Variants in HPGD observed in about 807,000 individuals in gnomAD.
HPGD encodes the protein 15-hydroxyprostaglandin dehydrogenase, also known as 15-hydroxyprostaglandin dehydrogenase [NAD(+)].
Under a neutral mutation model 30.0 loss-of-function variants are expected in HPGD, and 29 were observed. The observed-to-expected ratio is 0.97, with a 90% confidence interval of 0.72 to 1.32. The LOEUF (loss-of-function observed/expected upper bound fraction) is 1.32, where lower values mean the gene tolerates loss of function less well. HPGD is among the 40% of genes most tolerant of loss of function. The probability of loss-of-function intolerance (pLI) is 0.00; values close to 1 mark genes in which losing one functional copy is unlikely to be tolerated. For missense variants in HPGD, 340 were observed against 322.1 expected (o/e 1.06, Z -0.43); for synonymous variants, 99 against 112.4 (o/e 0.88, Z 0.75).
chr4:174,504,814 AAAAC>A (rs35636366), intron 4 of HPGD, among the ~76,000 whole-genome samples: 19,713 of 150,006 alleles, frequency 0.13, 1,870 homozygotes, highest in African/African-American at 0.25. Flanking sequence ...ACTCTGTCTC[AAAAC>A]AAACAAACAA....
At chr4:174,515,624 G>A (rs964595776) in intron 3 of HPGD, among the ~76,000 whole-genome samples, 1 of 98,888 alleles carries the variant, frequency 1.0e-5, no homozygotes, top group Admixed American at 9.9e-5. Context: ...AAATAGATGG[G>A]ACCTAATTAA....
intron 2 of HPGD, among the ~76,000 whole-genome samples, 184 bp downstream of exon 2, chr4:174,521,760 G>A (rs1419116078): frequency 6.6e-6 from 1 of 152,174 alleles, no homozygotes; most frequent in Non-Finnish European, 1.5e-5. Context: ...CCTTTCTTTC[G>A]GTTTTACAGC....
chr4:174,493,527 T>TA (rs1278898841), intron 5 of HPGD: 2 of 485,542 alleles, frequency 4.1e-6, no homozygotes, highest in East Asian at 4.0e-5. Context: ...TAATTTTTTT[T>TA]AAAAATCAGT....
intron 3 of HPGD, among the ~76,000 whole-genome samples, chr4:174,510,526 C>T (rs922140966): frequency 1.3e-5 from 2 of 152,102 alleles, no homozygotes; most frequent in Admixed American, 1.3e-4. Context: ...GTGTTTTCGA[C>T]ATGAACAAGA....
At chr4:174,504,481 C>A (rs1735074701) in intron 4 of HPGD, among the ~76,000 whole-genome samples, 1 of 152,066 alleles carries the variant, frequency 6.6e-6, no homozygotes. Context: ...TAGGTAGGCT[C>A]CTTTTCCTGT....
At chr4:174,498,356 C>T (rs996577969) in intron 4 of HPGD, among the ~76,000 whole-genome samples, 2 of 151,926 alleles carry the variant, frequency 1.3e-5, no homozygotes, top group African/African-American at 2.4e-5. Context: ...ATCTAATTGA[C>T]ATACAATAAA....
At chr4:174,522,099 G>GC in intron 1 of HPGD, 32 bp from the exon 2 acceptor site, 1 of 1,614,032 alleles carries the variant, frequency 6.2e-7, no homozygotes, top group Non-Finnish European at 8.5e-7. Context: ...TCGCGGGCCT[G>GC]CGCAGCTCAC....
chr4:174,502,535 A>G (rs372922174), intron 4 of HPGD, among the ~76,000 whole-genome samples: 139 of 152,174 alleles, frequency 9.1e-4, no homozygotes, highest in East Asian at 8.5e-3. Flanking sequence ...AAAATTAGCC[A>G]GGCGTGGTGG....
At chr4:174,493,527 TA>T in intron 5 of HPGD, 1 of 485,604 alleles carries the variant, frequency 2.1e-6, no homozygotes, top group Non-Finnish European at 3.7e-6. Context: ...TAATTTTTTT[TA>T]AAAATCAGTA....
intron 2 of HPGD, among the ~76,000 whole-genome samples, chr4:174,519,063 T>C (rs1386853890): frequency 6.6e-6 from 1 of 152,168 alleles, no homozygotes; most frequent in Non-Finnish European, 1.5e-5. Context: ...CCACCAGACA[T>C]ATTGGGGAAG....
chr4:174,517,325 T>C (rs1735837887), intron 3 of HPGD, among the ~76,000 whole-genome samples: 1 of 151,980 alleles, frequency 6.6e-6, no homozygotes, highest in Non-Finnish European at 1.5e-5. Context: ...TAAAAAGTCC[T>C]ACTAATTACA....
intron 3 of HPGD, among the ~76,000 whole-genome samples, chr4:174,512,264 T>A (rs573238076): frequency 1.3e-5 from 2 of 152,306 alleles, no homozygotes; most frequent in Admixed American, 1.3e-4. Context: ...TTAACTAACA[T>A]CTGTAAGGAC....
intron 3 of HPGD, 123 bp downstream of exon 3, chr4:174,517,848 A>G (rs777175125): frequency 1.5e-4 from 88 of 605,410 alleles, no homozygotes; most frequent in Non-Finnish European, 2.4e-4. Flanking sequence ...AGCTTTCTGT[A>G]ACTTCCCTTT....
At chr4:174,498,910 T>C (rs1423850361) in intron 4 of HPGD, among the ~76,000 whole-genome samples, 4 of 152,214 alleles carry the variant, frequency 2.6e-5, no homozygotes, top group African/African-American at 9.6e-5. Context: ...CTTGTTGTTT[T>C]ATTATTTTTG....
chr4:174,503,077 C>T (rs1735001263), intron 4 of HPGD, among the ~76,000 whole-genome samples: 2 of 152,148 alleles, frequency 1.3e-5, no homozygotes, highest in South Asian at 2.1e-4. Flanking sequence ...TAAGAAACCT[C>T]GAATCTCTCA....
rs1415165456 is a variant in HPGD, at chr4:174,494,472, G to T, written c.498+1076C>A. ...TTGTAATTTTAAATATAAAATTTCTGGTCTTTCAGGTTTACTTTGCTTTGT... is the reference window on the plus strand; with the variant it reads ...TTGTAATTTTAAATATAAAATTTCTTGTCTTTCAGGTTTACTTTGCTTTGT... On this transcript the variant is annotated intron_variant, in intron 5 of 6. Transcript: ENST00000296522. This position sits in a 1 kb window ranked among gnomAD's most constrained non-coding sequence, Gnocchi z 4.9. Among the ~76,000 whole-genome samples, 1 of 152,050 alleles carries T rather than the reference G, an allele frequency of 6.6e-6. No individual in the cohort carries two copies. The highest frequency in any genetic ancestry group is 1.5e-5 in the Non-Finnish European group (1 of 67,990).
intron 4 of HPGD, among the ~76,000 whole-genome samples, chr4:174,503,989 A>G (rs1363951311): frequency 1.3e-5 from 2 of 152,068 alleles, no homozygotes; most frequent in Non-Finnish European, 1.5e-5. Context: ...CTCCCAAAGC[A>G]TTGTGATTAT....
intron 1 of HPGD, 70 bp from the exon 2 acceptor site, chr4:174,522,137 C>T: frequency 6.2e-7 from 1 of 1,607,730 alleles, no homozygotes; most frequent in South Asian, 1.1e-5. Context: ...AATAAACACA[C>T]AAGAGGCTCC....
At chr4:174,521,106 A>G (rs1169490768) in intron 2 of HPGD, among the ~76,000 whole-genome samples, 1 of 152,050 alleles carries the variant, frequency 6.6e-6, no homozygotes, top group Non-Finnish European at 1.5e-5. Flanking sequence ...CTTACAATTT[A>G]CTCAGTCTCT....
Sources: gnomAD v4.1 joint callset for allele counts (sites outside exome capture counted in the v4.1 genomes callset) on GRCh38, gnomAD v4.1.1 for gene constraint, Gnocchi (gnomAD v3.1) non-coding constraint, MANE v1.5 for transcripts, NCBI Gene and HGNC (gene_info 2026-07-23, HGNC 2026-07-21) for gene names.